TASP1: variants seen among roughly 807,000 people sequenced by gnomAD.
TASP1 encodes the protein threonine aspartase 1.
TASP1 carries 16 observed loss-of-function variants against 56.6 expected under a neutral mutation model. That is an observed-to-expected ratio of 0.28 (90% CI 0.19 to 0.43). The LOEUF is 0.43. TASP1 is among the 20% of genes least tolerant of loss of function. The probability of loss-of-function intolerance (pLI) is 1.00; values close to 1 mark genes in which losing one functional copy is unlikely to be tolerated. For synonymous variants in TASP1, 179 were observed against 184.2 expected (o/e 0.97, Z 0.23); for missense variants, 393 against 511.6 (o/e 0.77, Z 2.24).
chr20:13,249,173 A>T, the TASP1 span, among the ~76,000 whole-genome samples: 1 of 152,204 alleles, frequency 6.6e-6, no homozygotes, highest in Non-Finnish European at 1.5e-5. Flanking sequence ...GGGGGGAAAA[A>T]GCCAAATCTC....
the TASP1 span, among the ~76,000 whole-genome samples, chr20:13,179,380 T>G: frequency 6.6e-6 from 1 of 150,496 alleles, no homozygotes; most frequent in Non-Finnish European, 1.5e-5. Context: ...TATACTAGAT[T>G]TTCTTTGGAT....
At chr20:13,183,572 A>T in the TASP1 span, among the ~76,000 whole-genome samples, 2 of 152,228 alleles carry the variant, frequency 1.3e-5, no homozygotes, top group Admixed American at 6.5e-5. Flanking sequence ...TTTACCAAAA[A>T]ATTTAATAGG....
chr20:13,505,124 T>C (rs1192858624), intron 10 of TASP1, among the ~76,000 whole-genome samples: 3 of 152,058 alleles, frequency 2.0e-5, no homozygotes, highest in African/African-American at 7.2e-5. Context: ...GGGAGCTATA[T>C]TTATTATAAG....
intron 4 of TASP1, among the ~76,000 whole-genome samples, chr20:13,622,210 T>TA (rs2048741207): frequency 6.6e-6 from 1 of 152,234 alleles, no homozygotes. Flanking sequence ...AGGCATATAC[T>TA]AACTCAGTTT....
the TASP1 span, among the ~76,000 whole-genome samples, chr20:13,123,579 A>G: frequency 2.6e-5 from 4 of 152,310 alleles, no homozygotes; most frequent in Admixed American, 6.5e-5. Context: ...CAGAGGCTGC[A>G]CTGTAACTCC....
At chr20:13,550,068 G>C (rs2045927955) in intron 8 of TASP1, among the ~76,000 whole-genome samples, 1 of 151,046 alleles carries the variant, frequency 6.6e-6, no homozygotes, top group African/African-American at 2.4e-5. Flanking sequence ...GGACGACCTG[G>C]GAAGAAACTC....
At chr20:13,463,388 T>G (rs1047527248) in intron 11 of TASP1, among the ~76,000 whole-genome samples, 1 of 152,034 alleles carries the variant, frequency 6.6e-6, no homozygotes, top group Non-Finnish European at 1.5e-5. Flanking sequence ...AAGATCTAAA[T>G]GTAAGAGTAA....
intron 11 of TASP1, among the ~76,000 whole-genome samples, chr20:13,460,397 G>A (rs1187236803): frequency 6.6e-6 from 1 of 152,014 alleles, no homozygotes; most frequent in Non-Finnish European, 1.5e-5. Context: ...AGCTCTTCAA[G>A]GTCTTCTTTT....
chr20:13,484,145 A>G (rs2043238834), intron 10 of TASP1, among the ~76,000 whole-genome samples: 1 of 152,240 alleles, frequency 6.6e-6, no homozygotes, highest in Admixed American at 6.5e-5. Context: ...ATCATTAAAA[A>G]GTCAAGAAAC....
intron 11 of TASP1, among the ~76,000 whole-genome samples, chr20:13,442,854 A>G (rs1324492274): frequency 1.3e-5 from 2 of 152,162 alleles, no homozygotes; most frequent in African/African-American, 4.8e-5. Context: ...TCAGATTTTT[A>G]TATGATCACC....
chr20:13,572,123 G>T (rs1053040118), intron 6 of TASP1, among the ~76,000 whole-genome samples: 4 of 152,204 alleles, frequency 2.6e-5, no homozygotes, highest in East Asian at 1.9e-4. Flanking sequence ...TCTGTATAAA[G>T]TCCTTAAAAG....
intron 10 of TASP1, among the ~76,000 whole-genome samples, chr20:13,527,761 G>T (rs991992562): frequency 6.6e-6 from 1 of 151,378 alleles, no homozygotes; most frequent in African/African-American, 2.4e-5. Flanking sequence ...AATGTACCTT[G>T]TAAGTTTTAT....
chr20:13,525,545 C>T (rs1006017754), intron 10 of TASP1, among the ~76,000 whole-genome samples: 6 of 152,166 alleles, frequency 3.9e-5, no homozygotes, highest in Non-Finnish European at 7.3e-5. Flanking sequence ...AGAGCCCTAT[C>T]CTAACCATAA....
intron 8 of TASP1, among the ~76,000 whole-genome samples, chr20:13,557,349 T>A (rs934244461): frequency 1.3e-5 from 2 of 152,134 alleles, no homozygotes; most frequent in African/African-American, 4.8e-5. Context: ...AAAGAGTACA[T>A]TCTGTATGAT....
chr20:13,268,124 C>T, the TASP1 span, among the ~76,000 whole-genome samples: 1 of 119,830 alleles, frequency 8.3e-6, no homozygotes, highest in Non-Finnish European at 1.8e-5. Context: ...GTCTTCTCTT[C>T]TCTTCTCTTC....
At chr20:13,580,640 T>C (rs998068854) in intron 6 of TASP1, among the ~76,000 whole-genome samples, 1 of 152,218 alleles carries the variant, frequency 6.6e-6, no homozygotes, top group Non-Finnish European at 1.5e-5. Context: ...CTTTAGACTC[T>C]GGACTACAAT....
intron 10 of TASP1, 121 bp from the exon 11 acceptor site, chr20:13,483,458 C>T (rs1240742787): frequency 1.4e-5 from 8 of 562,730 alleles, no homozygotes; most frequent in South Asian, 1.0e-4. Context: ...AAAATAATTC[C>T]GTGAGGGATG....
At chr20:13,311,247 A>AGATAGATAGATAGAT in the TASP1 span, among the ~76,000 whole-genome samples, 2,136 of 115,924 alleles carry the variant, frequency 0.018, 17 homozygotes, top group African/African-American at 0.029. Flanking sequence ...GATAGATGAT[A>AGATAGATAGATAGAT]GATAGATAGA....
chr20:13,591,132 A>G (rs2047516467), intron 4 of TASP1, among the ~76,000 whole-genome samples: 1 of 152,100 alleles, frequency 6.6e-6, no homozygotes, highest in African/African-American at 2.4e-5. Context: ...CAAATGATCC[A>G]ACATGCACGT....
Sources: gnomAD v4.1 joint callset for allele counts (sites outside exome capture counted in the v4.1 genomes callset) on GRCh38, gnomAD v4.1.1 for gene constraint, MANE v1.5 for transcripts, NCBI Gene and HGNC (gene_info 2026-07-23, HGNC 2026-07-21) for gene names.